JCHAIN: variants seen among roughly 807,000 people sequenced by gnomAD.
JCHAIN encodes the protein immunoglobulin J chain.
A neutral mutation model predicts 11.1 loss-of-function variants in JCHAIN; 5 were observed. That is an observed-to-expected ratio of 0.45 (90% confidence interval 0.24 to 0.95). The LOEUF (loss-of-function observed/expected upper bound fraction) is 0.95. Ranked by LOEUF, JCHAIN falls within the 40% of genes least tolerant of loss-of-function variation. The pLI is 0.21. For synonymous variants in JCHAIN, 51 were observed against 67.8 expected (o/e 0.75, Z 1.22); for missense variants, 165 against 192.7 (o/e 0.86, Z 0.85).
intron 2 of JCHAIN, among the ~76,000 whole-genome samples, chr4:70,658,036 A>G (rs1243784607): frequency 6.6e-6 from 1 of 152,156 alleles, no homozygotes; most frequent in South Asian, 2.1e-4. Flanking sequence ...CAAAAGGAAC[A>G]ACAAAAACCT....
In JCHAIN at chr4:70,656,324, T is replaced by G; in HGVS notation, c.*5A>C. On this transcript the variant is annotated 3_prime_UTR_variant, in exon 4 of 4. Coordinates refer to ENST00000254801, the MANE Select transcript of JCHAIN (RefSeq NM_144646.4). The stretch of plus-strand genomic sequence containing the variant: ...AAAGAGCTATGCAGTCAGCAATGAC[T>G]TAAATTAGTCAGGATAGCAGGCATC... 9 of 1,607,640 alleles carry G rather than the reference T, an allele frequency of 5.6e-6. No homozygotes were observed. Among genetic ancestry groups the G allele is most frequent in the Non-Finnish European group, 7.7e-6 (9 of 1,174,292 alleles).
chr4:70,663,842 T>G (rs1739103796), intron 1 of JCHAIN, among the ~76,000 whole-genome samples: 1 of 150,860 alleles, frequency 6.6e-6, no homozygotes, highest in South Asian at 2.1e-4. Context: ...ATTATGGGCG[T>G]GAGCCACCAC....
chr4:70,663,539 G>A (rs760446619), intron 1 of JCHAIN: 1 of 151,056 alleles, frequency 6.6e-6, no homozygotes, highest in Non-Finnish European at 1.5e-5. Flanking sequence ...GTATCATCTG[G>A]GTTTGGATCA....
rs75670997 is a variant in JCHAIN, at chr4:70,655,942, CA to C, written c.*386del. 7,233 of 69,322 alleles carry C rather than the reference CA, an allele frequency of 0.1. 356 individuals are homozygous for C. Among genetic ancestry groups the C allele is most frequent in the African/African-American group, 0.24 (5,402 of 22,888 alleles). The allele number at this position is 69,322 out of a possible 1,614,324, so 4.3% of individuals were successfully genotyped here. ...AAGCTCTGGCTCTCCAAGGCAAAGT[CA>C]AAAAAAAAAAAAAAAGCGGGGGGGA... On this transcript the variant is annotated 3_prime_UTR_variant, in exon 4 of 4. Coordinates refer to ENST00000254801, the MANE Select transcript of JCHAIN (RefSeq NM_144646.4).
chr4:70,659,735 G>A (rs191532475), intron 2 of JCHAIN, among the ~76,000 whole-genome samples: 3 of 150,998 alleles, frequency 2.0e-5, no homozygotes, highest in Admixed American at 2.0e-4. Flanking sequence ...GCATGGTGGT[G>A]CGTGCCTGTA....
chr4:70,663,082 T>A (rs562303585), intron 1 of JCHAIN, among the ~76,000 whole-genome samples: 1 of 151,936 alleles, frequency 6.6e-6, no homozygotes, highest in African/African-American at 2.4e-5. Context: ...TATGCCTGTA[T>A]ACAGAAAAAA....
chr4:70,656,214 C>T lies in JCHAIN; in HGVS notation c.*115G>A. ...GGCAGGGAGTTGGTTTTACATCACC[C>T]AAAAAAAAAAAAAAGCCCTGGTTTC... On this transcript the variant is annotated 3_prime_UTR_variant, in exon 4 of 4. Coordinates refer to ENST00000254801, the MANE Select transcript of JCHAIN (RefSeq NM_144646.4). The T allele has an allele frequency of 5.0e-6, 3 of 596,106 alleles. No homozygotes were observed. Among genetic ancestry groups the T allele is most frequent in the Non-Finnish European group, 8.4e-6 (3 of 358,826 alleles). The allele number at this position is 596,106 out of a possible 1,614,324, so 36.9% of individuals were successfully genotyped here. A position where few individuals can be genotyped will look rare whatever the true frequency, so the allele number is the denominator to read the frequency against.
chr4:70,657,712 G>GT (rs1337924156), intron 2 of JCHAIN, among the ~76,000 whole-genome samples: 1 of 152,096 alleles, frequency 6.6e-6, no homozygotes, highest in African/African-American at 2.4e-5. Context: ...CCTGGGCTAT[G>GT]TAAGTTCCTT....
At chr4:70,660,953 CT>C (rs755117657) in intron 2 of JCHAIN, among the ~76,000 whole-genome samples, 1 of 151,994 alleles carries the variant, frequency 6.6e-6, no homozygotes, top group Non-Finnish European at 1.5e-5. Flanking sequence ...TACAATAATC[CT>C]ATGAGTTAAG....
In JCHAIN at chr4:70,666,410, T is replaced by G. The variant is rs778020112; in HGVS notation, c.64+17A>C. 29 of 1,575,498 alleles carry G rather than the reference T, an allele frequency of 1.8e-5. No individual in the cohort carries two copies. The highest frequency in any genetic ancestry group is 2.4e-5 in the Non-Finnish European group (28 of 1,145,232). ...ATTTTTCCTTTGATCTGGGATCATT[T>G]TCTAAATATCACATACCTTTCACAT... On this transcript the variant is annotated intron_variant, in intron 1 of 3. Transcript: ENST00000254801.
At chr4:70,660,443 G>T (rs1473626269) in intron 2 of JCHAIN, among the ~76,000 whole-genome samples, 2 of 150,674 alleles carry the variant, frequency 1.3e-5, no homozygotes, top group African/African-American at 2.5e-5. Flanking sequence ...TGCAGCAATG[G>T]CATGATCTTG....
rs768807937 is a variant in JCHAIN, at chr4:70,657,247, G to T, written c.233C>A (p.Pro78Gln). 3 of 1,605,150 alleles carry T rather than the reference G, an allele frequency of 1.9e-6. No homozygotes were observed. The highest frequency in any genetic ancestry group is 1.7e-5 in the Admixed American group (1 of 59,966). ...NRENISDPTS[P>Q]LRTRFVYHLS... ...ATGGTACACAAATCTGGTTCTCAATGGTGAGGTGGGATCAGAGATATTCTC... is the reference window on the plus strand; with the variant it reads ...ATGGTACACAAATCTGGTTCTCAATTGTGAGGTGGGATCAGAGATATTCTC... The change falls in exon 3 of 4, where the codon CCA (proline) becomes CAA (glutamine). Residue 78 changes from proline to glutamine, a missense_variant. Physicochemically the swap from Pro to Gln is moderately conservative, Grantham distance 76. Coordinates refer to ENST00000254801, the MANE Select transcript of JCHAIN (RefSeq NM_144646.4).
chr4:70,656,931 CA>C (rs2148527348), intron 3 of JCHAIN, among the ~76,000 whole-genome samples: 1 of 152,170 alleles, frequency 6.6e-6, no homozygotes, highest in African/African-American at 2.4e-5. Context: ...TTTATAAGAT[CA>C]AATCCACTTA....
chr4:70,658,139 T>C (rs946876551), intron 2 of JCHAIN, among the ~76,000 whole-genome samples: 1 of 152,144 alleles, frequency 6.6e-6, no homozygotes, highest in African/African-American at 2.4e-5. Flanking sequence ...CTAATCAATC[T>C]CACAGTCCAG....
At chr4:70,660,128 G>A (rs6847010) in intron 2 of JCHAIN, among the ~76,000 whole-genome samples, 3,414 of 152,240 alleles carry the variant, frequency 0.022, 110 homozygotes, top group African/African-American at 0.072. Flanking sequence ...TTAAGTGCCA[G>A]TGTCATGTAT....
At chr4:70,658,024 A>G (rs1738983393) in intron 2 of JCHAIN, among the ~76,000 whole-genome samples, 1 of 152,054 alleles carries the variant, frequency 6.6e-6, no homozygotes, top group Non-Finnish European at 1.5e-5. Flanking sequence ...AGCCCTCCCT[A>G]CCAAAAGGAA....
intron 3 of JCHAIN, among the ~76,000 whole-genome samples, chr4:70,656,946 A>C (rs1738961395): frequency 6.6e-6 from 1 of 152,182 alleles, no homozygotes; most frequent in Admixed American, 6.5e-5. Flanking sequence ...CCACTTATTG[A>C]ACTATTAAGA....
rs1739054305 is a variant in JCHAIN at position 70,661,248 on chromosome 4, C to T, written c.188+844G>A. On this transcript the variant is annotated intron_variant, in intron 2 of 3. Coordinates refer to ENST00000254801, the MANE Select transcript of JCHAIN (RefSeq NM_144646.4). ...TAATTTCTCAAATAGTATTAGCATT[C>T]TTGCTATTGAAAAAGAGCTGTATAG... Among the ~76,000 whole-genome samples the T allele has an allele frequency of 3.3e-5, 5 of 152,130 alleles. No individual in the cohort carries two copies. The South Asian group carries it at 1.0e-3, about 31-fold the overall frequency.
intron 1 of JCHAIN, among the ~76,000 whole-genome samples, chr4:70,662,633 T>A (rs900487228): frequency 1.6e-4 from 25 of 152,192 alleles, no homozygotes; most frequent in African/African-American, 5.8e-4. Flanking sequence ...TCATAGTACA[T>A]GATTCAATTT....
Sources: gnomAD v4.1 joint callset for allele counts (sites outside exome capture counted in the v4.1 genomes callset) on GRCh38, gnomAD v4.1.1 for gene constraint, MANE v1.5 for transcripts, NCBI Gene and HGNC (gene_info 2026-07-23, HGNC 2026-07-21) for gene names.